VWF: variants seen among roughly 807,000 people sequenced by gnomAD.
VWF encodes Factor VIII related antigen.
VWF carries 176 observed loss-of-function variants against 308.6 expected under a neutral mutation model. The observed-to-expected ratio is 0.57, with a 90% CI of 0.50 to 0.65. The LOEUF (loss-of-function observed/expected upper bound fraction) is 0.65, where lower values mean the gene tolerates loss of function less well. Ranked by LOEUF, VWF falls within the 30% of genes least tolerant of loss-of-function variation. VWF has a pLI of 0.00. For missense variants in VWF, 3,146 were observed against 3,648.2 expected (o/e 0.86, Z 3.55); for synonymous variants, 1,385 against 1,443.4 (o/e 0.96, Z 0.92).
At chr12:6,031,165 G>A (rs1449308802) in intron 21 of VWF, among the ~76,000 whole-genome samples, 1 of 152,138 alleles carries the variant, frequency 6.6e-6, no homozygotes, top group Non-Finnish European at 1.5e-5. Flanking sequence ...CTAGAGGTGA[G>A]CACTGGTTCT....
intron 10 of VWF, among the ~76,000 whole-genome samples, 157 bp from the exon 11 acceptor site, chr12:6,065,430 T>C (rs1944702844): frequency 6.6e-6 from 1 of 152,188 alleles, no homozygotes; most frequent in South Asian, 2.1e-4. Context: ...ACGAGAAAAT[T>C]CGGTTCCTGC....
At chr12:6,056,830 AG>A in intron 15 of VWF, 26 bp downstream of exon 15, 1 of 1,358,140 alleles carries the variant, frequency 7.4e-7, no homozygotes, top group Non-Finnish European at 9.4e-7. Flanking sequence ...GGCGGCCCGG[AG>A]GGCTGCGGGC....
intron 13 of VWF, among the ~76,000 whole-genome samples, chr12:6,059,253 C>T (rs932301555): frequency 6.6e-6 from 1 of 152,204 alleles, no homozygotes; most frequent in Non-Finnish European, 1.5e-5. Flanking sequence ...CATCCTGCCC[C>T]TTTCTCTGCT....
rs1944674874 is a variant in VWF, at chr12:6,063,186, T to C, written c.1433-132A>G. 1 of 761,400 alleles carries C rather than the reference T, an allele frequency of 1.3e-6. No individual in the cohort carries two copies. Among genetic ancestry groups the C allele is most frequent in the East Asian group, 2.7e-5 (1 of 37,324 alleles). 47.2% of individuals were successfully genotyped at this position (761,400 alleles called of 1,614,324 possible). ...TGAAGAGCAATGACTTAGGGGCAGA[T>C]GGGGTGGCCATGAGGTTTAAGGGGG... is the stretch of plus-strand genomic sequence containing the variant. On this transcript the variant is annotated intron_variant, in intron 12 of 51. Transcript: ENST00000261405. This position sits in a 1 kb window ranked among gnomAD's most constrained non-coding sequence, Gnocchi z 4.9.
rs980083309 is a variant in VWF at position 5,993,874 on chromosome 12, G to A, written c.6586C>T (p.Pro2196Ser). Residue 2196 changes from proline (P) to serine (S), a missense_variant, in exon 37 of 52, where the codon CCT becomes TCT. This residue lies in a region of VWF where 989 missense variants were observed against 1,117.4 expected (regional missense o/e 0.89). Transcript: ENST00000261405. ...CTTGGAGACTCACCACAGAAATCAGGTGTCCTCCAGTCAACGCAGACCCCG... is the reference window on the plus strand; with the variant it reads ...CTTGGAGACTCACCACAGAAATCAGATGTCCTCCAGTCAACGCAGACCCCG... The part of the protein sequence containing the change: ...TNGVCVDWRT[P>S]DFCAMSCPPS... 3.7e-6 allele frequency: 6 copies of A among 1,613,048 alleles called. No individual in the cohort carries two copies. The African/African-American group carries it at 6.7e-5, about 18-fold the overall frequency.
At chr12:6,014,111 T>A (rs1443360669) in intron 31 of VWF, among the ~76,000 whole-genome samples, 1 of 151,892 alleles carries the variant, frequency 6.6e-6, no homozygotes, top group African/African-American at 2.4e-5. Flanking sequence ...GCCAAGAGGA[T>A]GTCTGAGGGA....
chr12:5,999,248 T>A (rs1943845782), intron 34 of VWF, among the ~76,000 whole-genome samples: 1 of 152,056 alleles, frequency 6.6e-6, no homozygotes, highest in Non-Finnish European at 1.5e-5. Context: ...GGCAAAAATA[T>A]TTTGAAGTAT....
intron 43 of VWF, among the ~76,000 whole-genome samples, chr12:5,973,468 C>G (rs1480940023): frequency 6.6e-6 from 1 of 152,194 alleles, no homozygotes; most frequent in Admixed American, 6.5e-5. Context: ...AGATGCCAAG[C>G]TCTGGTCACT....
intron 38 of VWF, among the ~76,000 whole-genome samples, chr12:5,991,570 CATA>C (rs1376507038): frequency 1.3e-5 from 2 of 152,154 alleles, no homozygotes; most frequent in Non-Finnish European, 2.9e-5. Context: ...TAATAACAAT[CATA>C]ATAATAATGT....
intron 47 of VWF, among the ~76,000 whole-genome samples, chr12:5,955,619 G>A (rs1178241614): frequency 6.6e-6 from 1 of 151,922 alleles, no homozygotes; most frequent in Non-Finnish European, 1.5e-5. Context: ...GTCTATCATT[G>A]TTGGACATAT....
At chr12:5,961,553 CT>C (rs1943316005) in intron 47 of VWF, among the ~76,000 whole-genome samples, 1 of 145,732 alleles carries the variant, frequency 6.9e-6, no homozygotes, top group African/African-American at 2.6e-5. Context: ...GGTGTCATAA[CT>C]GCTTATGAAG....
In VWF at chr12:6,075,494, G is replaced by A. The variant is rs1186700816; in HGVS notation, c.715C>T (p.Pro239Ser). The change falls in exon 7 of 52, where the codon CCT (proline) becomes TCT (serine). Residue 239 changes from proline to serine, a missense_variant. This residue lies in a region of VWF where 1,304 missense variants were observed against 1,353.0 expected (regional missense o/e 0.96). Transcript: ENST00000261405. This position sits in a 1 kb window ranked among gnomAD's most constrained non-coding sequence, Gnocchi z 4.7. ...KSTSVFARCH[P>S]LVDPEPFVAL... ...ACAAAAGGCTCGGGGTCCACCAGAGGGTGGCAGCGGGCAAACACCGAGGTG... is the reference window on the plus strand; with the variant it reads ...ACAAAAGGCTCGGGGTCCACCAGAGAGTGGCAGCGGGCAAACACCGAGGTG... 2 of 1,614,172 alleles carry A rather than the reference G, an allele frequency of 1.2e-6. No individual in the cohort carries two copies. Among genetic ancestry groups the A allele is most frequent in the Non-Finnish European group, 8.5e-7 (1 of 1,180,036 alleles).
chr12:5,981,311 T>C (rs1301668512), intron 42 of VWF, among the ~76,000 whole-genome samples: 2 of 152,180 alleles, frequency 1.3e-5, no homozygotes, highest in Non-Finnish European at 2.9e-5. Context: ...GGAGGATCAC[T>C]TGAGCCCAGG....
At chr12:6,064,471 C>T in intron 11 of VWF, 87 bp from the exon 12 acceptor site, 1 of 1,571,276 alleles carries the variant, frequency 6.4e-7, no homozygotes, top group Non-Finnish European at 8.6e-7. Context: ...AGAGAAAGGC[C>T]TCAACCCGAG....
intron 18 of VWF, among the ~76,000 whole-genome samples, chr12:6,042,628 C>A (rs1022146425): frequency 1.3e-5 from 2 of 152,218 alleles, no homozygotes; most frequent in African/African-American, 4.8e-5. Flanking sequence ...AAGTGCGAGT[C>A]ACCTCGTCAC....
At chr12:5,997,884 C>T (rs1296883402) in intron 34 of VWF, among the ~76,000 whole-genome samples, 1 of 152,080 alleles carries the variant, frequency 6.6e-6, no homozygotes, top group Admixed American at 6.5e-5. Context: ...TTAGGCCGAA[C>T]CAATTAAAAA....
At chr12:6,110,615 T>G in intron 4 of VWF, 33 bp from the exon 5 acceptor site, 1 of 1,606,676 alleles carries the variant, frequency 6.2e-7, no homozygotes. Context: ...AGAAGTGGGC[T>G]TCTTGTGCAT....
intron 23 of VWF, 87 bp from the exon 24 acceptor site, chr12:6,025,780 C>T: frequency 5.8e-6 from 9 of 1,562,670 alleles, no homozygotes; most frequent in Non-Finnish European, 7.0e-6. Context: ...CCCTCCTTCC[C>T]ACCCTGCAGC....
At chr12:5,978,709 G>A (rs1403268136) in intron 42 of VWF, among the ~76,000 whole-genome samples, 1 of 152,124 alleles carries the variant, frequency 6.6e-6, no homozygotes, top group Admixed American at 6.5e-5. Context: ...ACAAATTTAC[G>A]AGTTTTTATC....
Sources: gnomAD v4.1 joint callset for allele counts (sites outside exome capture counted in the v4.1 genomes callset) on GRCh38, gnomAD v4.1.1 for gene constraint, gnomAD v4.1.1 regional missense constraint, Gnocchi (gnomAD v3.1) non-coding constraint, MANE v1.5 for transcripts, NCBI Gene and HGNC (gene_info 2026-07-23, HGNC 2026-07-21) for gene names.